ELF2: variants seen among roughly 807,000 people sequenced by gnomAD.
The protein encoded by ELF2 is E74 like ETS transcription factor 2.
In ELF2, 11 loss-of-function variants were observed where a neutral mutation model predicts 54.8. That is an observed-to-expected ratio of 0.20 (90% CI 0.13 to 0.33). The LOEUF (loss-of-function observed/expected upper bound fraction) is 0.33. Ranked by LOEUF, ELF2 falls within the 10% of genes least tolerant of loss-of-function variation. The pLI is 1.00. For missense variants in ELF2, 513 were observed against 703.0 expected (o/e 0.73, Z 3.06); for synonymous variants, 203 against 245.1 (o/e 0.83, Z 1.61).
At chr4:139,060,750 C>T (rs1437331664) in intron 8 of ELF2, 76 bp from the exon 9 acceptor site, 2 of 1,211,718 alleles carry the variant, frequency 1.7e-6, no homozygotes, top group East Asian at 4.7e-5. Context: ...AAAAAGACCA[C>T]ATACAGTGGA....
chr4:139,088,389 C>T (rs1732226152), intron 4 of ELF2, among the ~76,000 whole-genome samples: 1 of 152,080 alleles, frequency 6.6e-6, no homozygotes, highest in African/African-American at 2.4e-5. Context: ...CCAATTTCTT[C>T]CTTTCTTACA....
At chr4:139,177,796 C>T (rs1485626826), upstream of ELF2, among the ~76,000 whole-genome samples, 20 of 152,226 alleles carry the variant, frequency 1.3e-4, no homozygotes, top group Admixed American at 1.3e-3. Context: ...GACTCTCGCC[C>T]TTCTCCGGAG....
intron 1 of ELF2, among the ~76,000 whole-genome samples, chr4:139,142,377 G>A (rs1490732335): frequency 6.6e-6 from 1 of 151,348 alleles, no homozygotes; most frequent in Non-Finnish European, 1.5e-5. Context: ...ACCCAATACA[G>A]CTGAAGTGAA....
At chr4:139,060,194 A>T in intron 9 of ELF2, 130 bp downstream of exon 9, 1 of 800,490 alleles carries the variant, frequency 1.2e-6, no homozygotes, top group Non-Finnish European at 1.9e-6. Context: ...TAAAACATCA[A>T]GCACTTTTCA....
At chr4:139,135,235 A>ATGTGTGTG (rs768773968) in intron 3 of ELF2, among the ~76,000 whole-genome samples, 11 of 131,888 alleles carry the variant, frequency 8.3e-5, no homozygotes, top group African/African-American at 2.2e-4. Context: ...ACTACTATAT[A>ATGTGTGTG]TATGTGTGTG....
intron 5 of ELF2, 31 bp downstream of exon 5, chr4:139,073,423 C>G (rs182423019): frequency 1.2e-5 from 17 of 1,475,116 alleles, no homozygotes; most frequent in Middle Eastern, 1.8e-4. Context: ...TAGTATGACA[C>G]GTTTAACATA....
chr4:139,174,800 T>G lies in ELF2; in HGVS notation c.-252+2167A>C, dbSNP rs144315869. ...CTATGTCAGTTTTATTCATTTTTCC[T>G]AGGAGACAGGATTTTGCTCTGTCAC... On this transcript the variant is annotated intron_variant, in intron 1 of 9. Transcript: ENST00000686138. 4.3e-3 allele frequency among the ~76,000 whole-genome samples: 656 copies of G among 152,324 alleles called. 6 individuals are homozygous for G. The highest frequency in any genetic ancestry group is 0.015 in the African/African-American group (628 of 41,566).
chr4:139,161,045 C>A (rs1259935908), intron 1 of ELF2, among the ~76,000 whole-genome samples: 1 of 152,146 alleles, frequency 6.6e-6, no homozygotes, highest in Non-Finnish European at 1.5e-5. Flanking sequence ...TGTGTATACA[C>A]ACACGTGTGC....
intron 4 of ELF2, chr4:139,100,230 A>G (rs970849864): frequency 5.3e-5 from 8 of 152,192 alleles, no homozygotes; most frequent in Non-Finnish European, 8.8e-5. Context: ...CCCTAAAAAC[A>G]ATTCCTGGCA....
At chr4:139,103,180 TTGTGAAATATG>T (rs1403579602) in intron 4 of ELF2, among the ~76,000 whole-genome samples, 1 of 152,246 alleles carries the variant, frequency 6.6e-6, no homozygotes, top group Admixed American at 6.5e-5. Context: ...AGCTGTGATA[TTGTGAAATATG>T]TGTGAAATAT....
chr4:139,095,651 T>C (rs1733190036), intron 4 of ELF2, among the ~76,000 whole-genome samples: 1 of 152,244 alleles, frequency 6.6e-6, no homozygotes, highest in Non-Finnish European at 1.5e-5. Context: ...AATTAACTTT[T>C]TAATATATAG....
intron 1 of ELF2, among the ~76,000 whole-genome samples, chr4:139,156,691 G>A (rs1457998639): frequency 3.3e-5 from 5 of 152,050 alleles, no homozygotes; most frequent in African/African-American, 9.7e-5. Context: ...CCAGGCTGGA[G>A]TGCAGTGGTG....
rs781366552 is a variant in ELF2 at position 139,057,758 on chromosome 4, A to T, written c.*1225T>A. 2.0e-4 allele frequency: 31 copies of T among 152,450 alleles called. No homozygotes were observed. Among genetic ancestry groups the T allele is most frequent in the Admixed American group, 3.9e-4 (6 of 15,280 alleles). The allele number at this position is 152,450 out of a possible 1,614,324, so 9.4% of individuals were successfully genotyped here. On this transcript the variant is annotated 3_prime_UTR_variant, in exon 10 of 10. Transcript: ENST00000686138. ...TGGAAGTAGAATTTCTTCATGCAGT[A>T]GTTGGGAAGGAGAAGAGAGATGTTT...
At chr4:139,174,774 A>G (rs1481575643) in intron 1 of ELF2, among the ~76,000 whole-genome samples, 1 of 152,214 alleles carries the variant, frequency 6.6e-6, no homozygotes, top group Non-Finnish European at 1.5e-5. Flanking sequence ...ATATGCAAAT[A>G]CTATGTCAGT....
chr4:139,076,022 A>C (rs1252230270), intron 4 of ELF2, among the ~76,000 whole-genome samples: 1 of 152,190 alleles, frequency 6.6e-6, no homozygotes, highest in East Asian at 1.9e-4. Context: ...AATCTTTTAA[A>C]ATTGTTTCCA....
At chr4:139,084,436 A>AGGGGCG (rs1731702271) in intron 4 of ELF2, 4 of 1,091,486 alleles carry the variant, frequency 3.7e-6, no homozygotes, top group Middle Eastern at 3.8e-4. Flanking sequence ...CGGCAGGGGC[A>AGGGGCG]GGGGCGGCGG....
At chr4:139,084,283 A>ACGCG (rs890042564) in intron 4 of ELF2, 2 of 1,601,194 alleles carry the variant, frequency 1.2e-6, no homozygotes, top group African/African-American at 2.7e-5. Flanking sequence ...CCGGAGACAC[A>ACGCG]CGCCGTGCGA....
intron 4 of ELF2, among the ~76,000 whole-genome samples, chr4:139,119,023 AAAAAACAAAAC>A (rs1480883810): frequency 6.6e-6 from 1 of 152,218 alleles, no homozygotes; most frequent in Non-Finnish European, 1.5e-5. Context: ...TTAAAGGGCA[AAAAAACAAAAC>A]AAAACAAAAC....
intron 7 of ELF2, among the ~76,000 whole-genome samples, chr4:139,065,120 C>T (rs903080507): frequency 3.3e-5 from 5 of 152,168 alleles, no homozygotes; most frequent in Non-Finnish European, 7.3e-5. Context: ...ATGCCCTGTA[C>T]ATAAGATATC....
Sources: gnomAD v4.1 joint callset for allele counts (sites outside exome capture counted in the v4.1 genomes callset) on GRCh38, gnomAD v4.1.1 for gene constraint, MANE v1.5 for transcripts, NCBI Gene and HGNC (gene_info 2026-07-23, HGNC 2026-07-21) for gene names.